The following PDGFB variants were observed in gnomAD, a reference collection of about 807,000 sequenced individuals.
PDGFB encodes platelet derived growth factor subunit B.
A neutral mutation model predicts 29.0 loss-of-function variants in PDGFB; 6 were observed. The ratio of observed to expected loss-of-function variants is 0.21; its 90% CI spans 0.11 to 0.41. The LOEUF is 0.41. PDGFB is among the 10% of genes least tolerant of loss of function. The pLI, the probability that PDGFB is intolerant of heterozygous loss-of-function variation, is 1.00. For missense variants in PDGFB, 299 were observed against 341.8 expected (o/e 0.87, Z 0.99); for synonymous variants, 144 against 140.8 (o/e 1.02, Z -0.16).
In PDGFB at chr22:39,224,454, G is replaced by A. The variant is rs1932117144; in HGVS notation, c.*888C>T. The A allele has an allele frequency of 6.6e-6, 1 of 152,648 alleles. No individual in the cohort carries two copies. The highest frequency in any genetic ancestry group is 2.4e-5 in the African/African-American group (1 of 41,420). 9.5% of individuals were successfully genotyped at this position (152,648 alleles called of 1,614,324 possible). Reference sequence around the variant, plus strand: ...TCTTCTGCCCTAGAGAGGAGTGACTGGGATCATCTGGGGCCTTAATAAGGG... The same window carrying A: ...TCTTCTGCCCTAGAGAGGAGTGACTAGGATCATCTGGGGCCTTAATAAGGG... On this transcript the variant is annotated 3_prime_UTR_variant, in exon 7 of 7. Coordinates refer to ENST00000331163, the MANE Select transcript of PDGFB (RefSeq NM_002608.4).
chr22:39,226,909 G>A lies in PDGFB; in HGVS notation c.602-1062C>T, dbSNP rs992074924. 4.6e-5 allele frequency among the ~76,000 whole-genome samples: 7 copies of A among 152,206 alleles called. No individual in the cohort carries two copies. The South Asian group carries it at 6.2e-4, about 14-fold the overall frequency. On this transcript the variant is annotated intron_variant, in intron 5 of 6. Transcript: ENST00000331163. ...TCAAATCTGGGCTCTCCCACGTATC[G>A]TGGACATTGGAGCAAGTCACTTAAC... is the stretch of plus-strand genomic sequence containing the variant.
intron 4 of PDGFB, among the ~76,000 whole-genome samples, chr22:39,230,921 C>A (rs4821876): frequency 1.3e-5 from 2 of 152,248 alleles, no homozygotes; most frequent in African/African-American, 4.8e-5. Flanking sequence ...GAAGCAGAAG[C>A]AGCAGCTTCT....
chr22:39,240,894 G>GTCTC lies in PDGFB; in HGVS notation c.63+3003_63+3006dup, dbSNP rs58537895. The GTCTC allele has an allele frequency of 0.12, 170,883 of 1,476,508 alleles. 1,893 individuals are homozygous for GTCTC. The highest frequency in any genetic ancestry group is 0.17 in the Middle Eastern group (936 of 5,564). The allele number at this position is 1,476,508 out of a possible 1,614,324, so 91.5% of individuals were successfully genotyped here. ...ACATCTCACCATTCCTGCTCAGTCAGTCTCTCTCTCTCTCTCTCTCAGATG... is the reference window on the plus strand; with the variant it reads ...ACATCTCACCATTCCTGCTCAGTCAGTCTCTCTCTCTCTCTCTCTCTCTCAGATG... On this transcript the variant is annotated intron_variant, in intron 1 of 6. Coordinates refer to ENST00000331163, the MANE Select transcript of PDGFB (RefSeq NM_002608.4).
chr22:39,233,243 C>T (rs138363512), intron 3 of PDGFB, among the ~76,000 whole-genome samples, 192 bp downstream of exon 3: 2 of 152,230 alleles, frequency 1.3e-5, no homozygotes, highest in East Asian at 1.9e-4. Flanking sequence ...AGTGTGGGGG[C>T]GAGGGGCTGT....
Position 39,242,957 on chromosome 22 carries a change from C to T in PDGFB, c.63+944G>A. 4.3e-6 allele frequency: 1 copy of T among 233,194 alleles called. No individual in the cohort carries two copies. The highest frequency in any genetic ancestry group is 6.0e-5 in the East Asian group (1 of 16,566). 14.4% of individuals were successfully genotyped at this position (233,194 alleles called of 1,614,324 possible). On this transcript the variant is annotated intron_variant, in intron 1 of 6. Transcript: ENST00000331163. The surrounding 1 kb of genome is among the most constrained non-coding windows in gnomAD (Gnocchi z 5.7). ...TCCGGGTAGACTTGCCAACTCACGG[C>T]TACGTGAGGCTGGGAGGGGTGGGGA...
At position 39,225,802 on chromosome 22, in the gene PDGFB, C is replaced by T. The variant is rs371825684; in HGVS notation, c.647G>A (p.Arg216His). The T allele has an allele frequency of 1.5e-4, 242 of 1,613,974 alleles. 1 individual carries two copies. The highest frequency in any genetic ancestry group is 1.9e-4 in the African/African-American group (14 of 74,942). ...TRVTIRTVRV[R>H]RPPKGKHRKF... Reference sequence around the variant, plus strand: ...CCGGTGCTTGCCCTTGGGGGGCCGGCGGACTCGCACCGTCCGAATGGTCAC... The same window carrying T: ...CCGGTGCTTGCCCTTGGGGGGCCGGTGGACTCGCACCGTCCGAATGGTCAC... Residue 216 changes from arginine to histidine, a missense_variant, in exon 6 of 7, where the codon CGC becomes CAC. Arg to His is a conservative substitution (Grantham distance 29). Coordinates refer to ENST00000331163, the MANE Select transcript of PDGFB (RefSeq NM_002608.4).
At chr22:39,233,370 C>T (rs1932358077) in intron 3 of PDGFB, 65 bp downstream of exon 3, 7 of 1,273,606 alleles carry the variant, frequency 5.5e-6, no homozygotes, top group Admixed American at 2.1e-5. Context: ...GGCTGCCCGC[C>T]CCCGTTCTCT....
intron 1 of PDGFB, among the ~76,000 whole-genome samples, chr22:39,236,721 A>G (rs1458163998): frequency 2.0e-5 from 3 of 152,242 alleles, no homozygotes; most frequent in African/African-American, 7.2e-5. Flanking sequence ...CAAGGGGCGG[A>G]TGCCAGAGAT....
intron 1 of PDGFB, chr22:39,240,729 G>A: frequency 1.8e-6 from 2 of 1,113,472 alleles, no homozygotes. Flanking sequence ...GCTCTCTAAT[G>A]GGGTTGACAC....
In PDGFB at chr22:39,242,952, C is replaced by CACGGCT. The variant is rs530364045; in HGVS notation, c.63+943_63+948dup. On this transcript the variant is annotated intron_variant, in intron 1 of 6. Coordinates refer to ENST00000331163, the MANE Select transcript of PDGFB (RefSeq NM_002608.4). This position sits in a 1 kb window ranked among gnomAD's most constrained non-coding sequence, Gnocchi z 5.7. ...TGGATTCCGGGTAGACTTGCCAACT[C>CACGGCT]ACGGCTACGTGAGGCTGGGAGGGGT... 809 of 233,214 alleles carry CACGGCT rather than the reference C, an allele frequency of 3.5e-3. 4 individuals carry two copies. The highest frequency in any genetic ancestry group is 5.7e-3 in the Non-Finnish European group (678 of 118,002). 14.4% of individuals were successfully genotyped at this position (233,214 alleles called of 1,614,324 possible).
chr22:39,230,810 C>A (rs1159150964), intron 4 of PDGFB, among the ~76,000 whole-genome samples: 2 of 152,214 alleles, frequency 1.3e-5, no homozygotes, highest in African/African-American at 2.4e-5. Flanking sequence ...TGCGGCTAAG[C>A]AGGCAGAGCA....
In PDGFB at chr22:39,244,202, G is replaced by A. The variant is rs1932640481; in HGVS notation, c.-239C>T. ...GGGCGCAGGACCTGGGTCCGAGGCC[G>A]CTACCTGGGCGGATCCCGAGCCCGA... On this transcript the variant is annotated 5_prime_UTR_variant, in exon 1 of 7. Coordinates refer to ENST00000331163, the MANE Select transcript of PDGFB (RefSeq NM_002608.4). This position sits in a 1 kb window ranked among gnomAD's most constrained non-coding sequence, Gnocchi z 4.5. 2 of 268,534 alleles carry A rather than the reference G, an allele frequency of 7.4e-6. No individual in the cohort carries two copies. The highest frequency in any genetic ancestry group is 1.4e-5 in the Non-Finnish European group (2 of 142,498). 16.6% of individuals were successfully genotyped at this position (268,534 alleles called of 1,614,324 possible). A position where few individuals can be genotyped will look rare whatever the true frequency, so the allele number is the denominator to read the frequency against.
At position 39,243,422 on chromosome 22, in the gene PDGFB, G is replaced by A. The variant is rs1001854417; in HGVS notation, c.63+479C>T. 2.0e-5 allele frequency among the ~76,000 whole-genome samples: 3 copies of A among 152,100 alleles called. No individual in the cohort carries two copies. The highest frequency in any genetic ancestry group is 7.2e-5 in the African/African-American group (3 of 41,412). On this transcript the variant is annotated intron_variant, in intron 1 of 6. Transcript: ENST00000331163. This position sits in a 1 kb window ranked among gnomAD's most constrained non-coding sequence, Gnocchi z 6.4. ...CGGACCCCGACCGGGAGCCAGGGTG[G>A]GACCCGAGCCCCGTCAAAGGTCGGC...
At position 39,244,635 on chromosome 22, in the gene PDGFB, G is replaced by A. The variant is rs1932650016; in HGVS notation, c.-672C>T. On this transcript the variant is annotated 5_prime_UTR_variant, in exon 1 of 7. Transcript: ENST00000331163. The surrounding 1 kb of genome is among the most constrained non-coding windows in gnomAD (Gnocchi z 4.5). ...TCCGCGCGCGCGGCGTGCCCGCTGC[G>A]CGCTCGGCTGGGCCCGGCCGACAGG... 1 of 156,328 alleles carries A rather than the reference G, an allele frequency of 6.4e-6. No homozygotes were observed. Among genetic ancestry groups the A allele is most frequent in the African/African-American group, 2.4e-5 (1 of 41,034 alleles). The allele number at this position is 156,328 out of a possible 1,614,324, so 9.7% of individuals were successfully genotyped here.
chr22:39,238,734 A>C (rs1932501726), intron 1 of PDGFB, among the ~76,000 whole-genome samples: 1 of 152,244 alleles, frequency 6.6e-6, no homozygotes, highest in South Asian at 2.1e-4. Flanking sequence ...GGCCCTCAGC[A>C]TCACACAAGG....
At chr22:39,233,270 C>A (rs1421550339) in intron 3 of PDGFB, among the ~76,000 whole-genome samples, 165 bp downstream of exon 3, 2 of 152,160 alleles carry the variant, frequency 1.3e-5, no homozygotes, top group Non-Finnish European at 2.9e-5. Context: ...TGAACACAGG[C>A]ATTTAAGGAT....
At position 39,244,837 on chromosome 22, in the gene PDGFB, A is replaced by C. The variant is rs1190157529; in HGVS notation, c.-874T>G. 4 of 151,948 alleles carry C rather than the reference A, an allele frequency of 2.6e-5. No homozygotes were observed. The highest frequency in any genetic ancestry group is 4.0e-5 in the Non-Finnish European group (3 of 74,742). 9.4% of individuals were successfully genotyped at this position (151,948 alleles called of 1,614,324 possible). ...TTTTTTCCTTTTTGCGCGCGTATGT[A>C]TGTGTGTGCGCGCAAAGTATCTCTA... is the stretch of plus-strand genomic sequence containing the variant. On this transcript the variant is annotated 5_prime_UTR_variant, in exon 1 of 7. Coordinates refer to ENST00000331163, the MANE Select transcript of PDGFB (RefSeq NM_002608.4). This position sits in a 1 kb window ranked among gnomAD's most constrained non-coding sequence, Gnocchi z 4.5.
In PDGFB at chr22:39,224,706, G is replaced by A. The variant is rs1428273682; in HGVS notation, c.*636C>T. Reference sequence around the variant, plus strand: ...AGGGCACCCAGCCACTTGGTGTGCTGGCCACACCCACCAAGAGGAGTCCAC... The same window carrying A: ...AGGGCACCCAGCCACTTGGTGTGCTAGCCACACCCACCAAGAGGAGTCCAC... On this transcript the variant is annotated 3_prime_UTR_variant, in exon 7 of 7. Coordinates refer to ENST00000331163, the MANE Select transcript of PDGFB (RefSeq NM_002608.4). 2.6e-5 allele frequency: 4 copies of A among 152,364 alleles called. No homozygotes were observed. The highest frequency in any genetic ancestry group is 7.2e-5 in the African/African-American group (3 of 41,494). 9.4% of individuals were successfully genotyped at this position (152,364 alleles called of 1,614,324 possible). A position where few individuals can be genotyped will look rare whatever the true frequency, so the allele number is the denominator to read the frequency against.
At position 39,242,206 on chromosome 22, in the gene PDGFB, C is replaced by A; in HGVS notation, c.63+1695G>T. ...CACGGGCGTGGCAGAGGCGGGCGCG[C>A]GACCTGGCCGCGGTAGTGCGTGCCC... On this transcript the variant is annotated intron_variant, in intron 1 of 6. Transcript: ENST00000331163. The surrounding 1 kb of genome is among the most constrained non-coding windows in gnomAD (Gnocchi z 5.7). 1 of 214,944 alleles carries A rather than the reference C, an allele frequency of 4.7e-6. No individual in the cohort carries two copies. Among genetic ancestry groups the A allele is most frequent in the Non-Finnish European group, 9.4e-6 (1 of 106,368 alleles). 13.3% of individuals were successfully genotyped at this position (214,944 alleles called of 1,614,324 possible).
Sources: gnomAD v4.1 joint callset for allele counts (sites outside exome capture counted in the v4.1 genomes callset) on GRCh38, gnomAD v4.1.1 for gene constraint, Gnocchi (gnomAD v3.1) non-coding constraint, MANE v1.5 for transcripts, NCBI Gene and HGNC (gene_info 2026-07-23, HGNC 2026-07-21) for gene names.